CLCF1: variants seen among roughly 807,000 people sequenced by gnomAD.
The protein encoded by CLCF1 is cardiotrophin like cytokine factor 1.
In CLCF1, 10 loss-of-function variants were observed where a neutral mutation model predicts 21.2. The observed-to-expected ratio is 0.47, with a 90% confidence interval of 0.29 to 0.80. The LOEUF is 0.80. Among genes scored for constraint, CLCF1 ranks in the 30% least tolerant of loss-of-function variants. The pLI is 0.09. For missense variants in CLCF1, 240 were observed against 293.4 expected, an observed-to-expected ratio of 0.82 and a Z score of 1.33; for synonymous variants, 115 against 120.5, an observed-to-expected ratio of 0.95 and a Z score of 0.30.
chr11:67,370,017 TG>T (rs1862194765), intron 1 of CLCF1: 2 of 967,138 alleles, frequency 2.1e-6, no homozygotes, highest in African/African-American at 2.0e-5. Flanking sequence ...AGGCTGCGGG[TG>T]GGGGGCAGGG....
rs1862264278 is a variant in CLCF1, at chr11:67,372,655, C to CGGGG, written c.16+868_16+869insCCCC. On this transcript the variant is annotated intron_variant, in intron 1 of 2. Transcript: ENST00000312438. This position sits in a 1 kb window ranked among gnomAD's most constrained non-coding sequence, Gnocchi z 5.9. ...GCGGGGGCGGGGGCGGGGTCCGGGG[C>CGGGG]ACCGGGCTCCGGGCTCTGCCCGGCG... is the stretch of plus-strand genomic sequence containing the variant. Among the ~76,000 whole-genome samples the CGGGG allele has an allele frequency of 2.0e-5, 3 of 149,708 alleles. No individual in the cohort carries two copies. The highest frequency in any genetic ancestry group is 2.0e-4 in the Admixed American group (3 of 15,152).
intron 1 of CLCF1, chr11:67,370,167 T>C (rs1221429993): frequency 2.0e-6 from 2 of 985,298 alleles, no homozygotes; most frequent in African/African-American, 1.7e-5. Context: ...GCTTCCACTC[T>C]GGGCAAAGCC....
At chr11:67,368,039 C>T in intron 1 of CLCF1, 2 of 985,258 alleles carry the variant, frequency 2.0e-6, no homozygotes, top group South Asian at 9.4e-5. Flanking sequence ...AGTCCCACTG[C>T]AGCTTGAGGG....
At chr11:67,368,763 A>AGG (rs914332739) in intron 1 of CLCF1, 2 of 985,120 alleles carry the variant, frequency 2.0e-6, no homozygotes, top group African/African-American at 3.5e-5. Context: ...GGGCAGGCAG[A>AGG]GGGTGAGTTG....
At chr11:67,373,787 G>C (rs540113469), upstream of CLCF1, 21 of 1,085,044 alleles carry the variant, frequency 1.9e-5, no homozygotes, top group South Asian at 6.6e-4. Flanking sequence ...GGGGGTAGGA[G>C]GGGGGAGGAG....
intron 1 of CLCF1, chr11:67,368,901 CTTTTTTTTTCCTTTT>C: frequency 3.8e-5 from 26 of 682,546 alleles, no homozygotes; most frequent in East Asian, 1.9e-4. Flanking sequence ...TCCTATAGTT[CTTTTTTTTTCCTTTT>C]TTTTTTTTTT....
At position 67,372,447 on chromosome 11, in the gene CLCF1, T is replaced by C. The variant is rs1184813724; in HGVS notation, c.16+1077A>G. 2.0e-5 allele frequency among the ~76,000 whole-genome samples: 3 copies of C among 152,036 alleles called. No homozygotes were observed. Among genetic ancestry groups the C allele is most frequent in the Admixed American group, 1.3e-4 (2 of 15,290 alleles). Reference sequence around the variant, plus strand: ...CCCGGGGACTCTTTCGAAGGTTTCCTTCGAGGGGCTCGGCCGGGAAGCTGC... The same window carrying C: ...CCCGGGGACTCTTTCGAAGGTTTCCCTCGAGGGGCTCGGCCGGGAAGCTGC... On this transcript the variant is annotated intron_variant, in intron 1 of 2. Transcript: ENST00000312438. This position sits in a 1 kb window ranked among gnomAD's most constrained non-coding sequence, Gnocchi z 5.9.
upstream of CLCF1, chr11:67,373,639 G>A (rs1862285230): frequency 7.9e-7 from 1 of 1,266,386 alleles, no homozygotes; most frequent in African/African-American, 1.5e-5. Flanking sequence ...AATCCCATCC[G>A]CCAGGCCCAC....
rs113591556 is a variant in CLCF1, at chr11:67,367,432, C to G, written c.183+28G>C. The G allele has an allele frequency of 9.8e-4, 1,578 of 1,614,108 alleles. 16 individuals carry two copies. The African/African-American group carries it at 0.019, about 19-fold the overall frequency. On this transcript the variant is annotated intron_variant, in intron 2 of 2. Coordinates refer to ENST00000312438, the MANE Select transcript of CLCF1 (RefSeq NM_013246.3). ...TCCCCAACTCCTCACTCCTCCCCAA[C>G]TCCCAGATTCCTACGCTGGATACTC...
At chr11:67,370,396 GT>G (rs1862203905) in intron 1 of CLCF1, 137 of 813,176 alleles carry the variant, frequency 1.7e-4, no homozygotes, top group Admixed American at 7.8e-4. Context: ...CTCCCCACCA[GT>G]CCTGGCCCCC....
intron 1 of CLCF1, chr11:67,370,200 G>T (rs1459545431): frequency 1.0e-6 from 1 of 985,314 alleles, no homozygotes; most frequent in Admixed American, 6.1e-5. Context: ...CAGGCAGCAG[G>T]AGGGAAAGCA....
chr11:67,372,094 T>C lies in CLCF1; in HGVS notation c.16+1430A>G, dbSNP rs1437017018. Among the ~76,000 whole-genome samples, 3 of 152,082 alleles carry C rather than the reference T, an allele frequency of 2.0e-5. No homozygotes were observed. The highest frequency in any genetic ancestry group is 7.2e-5 in the African/African-American group (3 of 41,398). On this transcript the variant is annotated intron_variant, in intron 1 of 2. Transcript: ENST00000312438. The surrounding 1 kb of genome is among the most constrained non-coding windows in gnomAD (Gnocchi z 5.9). The stretch of plus-strand genomic sequence containing the variant: ...CCTGTCCGGTGTGAGGGGCAACGTG[T>C]GCTCCCGAGCTGTGGCGGAGGTCAG...
At chr11:67,373,664 C>T, upstream of CLCF1, 2 of 1,244,022 alleles carry the variant, frequency 1.6e-6, no homozygotes, top group East Asian at 6.4e-5. Context: ...AGGTTTTTTT[C>T]GCTCGGTTTC....
chr11:67,370,059 C>A, intron 1 of CLCF1: 1 of 985,148 alleles, frequency 1.0e-6, no homozygotes, highest in South Asian at 4.7e-5. Context: ...GCCCACAGAA[C>A]CAGAAAGAGG....
At chr11:67,368,354 G>A in intron 1 of CLCF1, 6 of 985,300 alleles carry the variant, frequency 6.1e-6, no homozygotes, top group Non-Finnish European at 7.2e-6. Context: ...GGGAAAAGTT[G>A]GACTTCAATG....
Position 67,364,928 on chromosome 11 carries a change from G to T in CLCF1, c.*208C>A. On this transcript the variant is annotated 3_prime_UTR_variant, in exon 3 of 3. Coordinates refer to ENST00000312438, the MANE Select transcript of CLCF1 (RefSeq NM_013246.3). Reference sequence around the variant, plus strand: ...TTCCTGTAGAAACAGGACAGGACAGGGCCTACTGTACCTCCTCCCCAGCTC... The same window carrying T: ...TTCCTGTAGAAACAGGACAGGACAGTGCCTACTGTACCTCCTCCCCAGCTC... 1.4e-6 allele frequency: 1 copy of T among 716,902 alleles called. No homozygotes were observed. The highest frequency in any genetic ancestry group is 2.3e-6 in the Non-Finnish European group (1 of 442,872). 44.4% of individuals were successfully genotyped at this position (716,902 alleles called of 1,614,324 possible).
Position 67,372,664 on chromosome 11 carries a change from C to G in CLCF1, c.16+860G>C, listed in dbSNP as rs1419056010. The stretch of plus-strand genomic sequence containing the variant: ...GGGGCGGGGTCCGGGGCACCGGGCT[C>G]CGGGCTCTGCCCGGCGCTGCCCTTT... On this transcript the variant is annotated intron_variant, in intron 1 of 2. Transcript: ENST00000312438. The surrounding 1 kb of genome is among the most constrained non-coding windows in gnomAD (Gnocchi z 5.9). Among the ~76,000 whole-genome samples the G allele has an allele frequency of 6.7e-6, 1 of 149,388 alleles. No homozygotes were observed. Among genetic ancestry groups the G allele is most frequent in the East Asian group, 2.0e-4 (1 of 4,944 alleles).
At chr11:67,368,709 T>C in intron 1 of CLCF1, 1 of 985,256 alleles carries the variant, frequency 1.0e-6, no homozygotes, top group Admixed American at 6.2e-5. Context: ...TTGGTTGATT[T>C]AGTGCGGTTG....
chr11:67,368,410 G>A (rs1467438110), intron 1 of CLCF1: 1 of 985,236 alleles, frequency 1.0e-6, no homozygotes, highest in East Asian at 1.1e-4. Flanking sequence ...AAGGGAGAGA[G>A]GTGCATTTGA....
Sources: gnomAD v4.1 joint callset for allele counts (sites outside exome capture counted in the v4.1 genomes callset) on GRCh38, gnomAD v4.1.1 for gene constraint, Gnocchi (gnomAD v3.1) non-coding constraint, MANE v1.5 for transcripts, NCBI Gene and HGNC (gene_info 2026-07-23, HGNC 2026-07-21) for gene names.